Variants in DNAJB4 observed in about 807,000 individuals in gnomAD.
DNAJB4 encodes dnaJ homolog subfamily B member 4.
DNAJB4 carries 10 observed loss-of-function variants against 26.6 expected under a neutral mutation model. That is an observed-to-expected ratio of 0.38 (90% CI 0.23 to 0.64). The LOEUF (loss-of-function observed/expected upper bound fraction) is 0.64. Ranked by LOEUF, DNAJB4 falls within the 30% of genes least tolerant of loss-of-function variation. DNAJB4 has a pLI of 0.58. For synonymous variants in DNAJB4, 136 were observed against 134.8 expected, an observed-to-expected ratio of 1.01 and a Z score of -0.06; for missense variants, 328 against 408.2, an observed-to-expected ratio of 0.80 and a Z score of 1.69.
chr1:77,990,653 G>A (rs1353728160), intron 1 of DNAJB4, among the ~76,000 whole-genome samples: 2 of 152,152 alleles, frequency 1.3e-5, no homozygotes, highest in Non-Finnish European at 1.5e-5. Flanking sequence ...CACTTAAAAA[G>A]TACTCTTCTT....
chr1:77,988,032 T>TCC (rs112719953), intron 1 of DNAJB4, among the ~76,000 whole-genome samples: 3 of 124,310 alleles, frequency 2.4e-5, no homozygotes, highest in Admixed American at 8.3e-5. Flanking sequence ...TGTGTGTATT[T>TCC]CCCCCCCCCC....
rs1452867462 is a variant in DNAJB4, at chr1:78,016,340, A to T, written c.*93A>T. On this transcript the variant is annotated 3_prime_UTR_variant, in exon 3 of 3. Coordinates refer to ENST00000370763, the MANE Select transcript of DNAJB4 (RefSeq NM_007034.5). ...ATGTAGATGTGAATTCTGTATAAAG[A>T]TGTGTAAATTCTTTTGAGGGTTCAT... is the stretch of plus-strand genomic sequence containing the variant. 1.0e-5 allele frequency: 11 copies of T among 1,094,790 alleles called. No homozygotes were observed. In the East Asian group the frequency reaches 2.5e-4, roughly 25 times the overall value. The allele number at this position is 1,094,790 out of a possible 1,614,324, so 67.8% of individuals were successfully genotyped here.
chr1:77,986,304 C>T (rs1233002414), intron 1 of DNAJB4, among the ~76,000 whole-genome samples: 2 of 152,142 alleles, frequency 1.3e-5, no homozygotes, highest in Admixed American at 6.5e-5. Context: ...CTTAACTACT[C>T]GAAATGCAAT....
chr1:77,995,892 G>T (rs991268245), intron 1 of DNAJB4, among the ~76,000 whole-genome samples: 1 of 152,172 alleles, frequency 6.6e-6, no homozygotes, highest in Non-Finnish European at 1.5e-5. Flanking sequence ...GTTACAGTGA[G>T]CCCAGACTGT....
At chr1:77,998,623 T>G (rs1660119921) in intron 1 of DNAJB4, among the ~76,000 whole-genome samples, 1 of 152,138 alleles carries the variant, frequency 6.6e-6, no homozygotes, top group Non-Finnish European at 1.5e-5. Flanking sequence ...GTGGATCGCT[T>G]AAGCCCAGGA....
At chr1:78,000,870 G>A (rs959114450), upstream of DNAJB4, among the ~76,000 whole-genome samples, 3 of 152,148 alleles carry the variant, frequency 2.0e-5, no homozygotes, top group Non-Finnish European at 2.9e-5. Context: ...TGTAATCCCA[G>A]CTATTCGGGA....
chr1:78,012,800 A>G (rs1352230080), intron 1 of DNAJB4, among the ~76,000 whole-genome samples: 1 of 121,986 alleles, frequency 8.2e-6, no homozygotes, highest in Admixed American at 8.7e-5. Context: ...ACAAGAGCGA[A>G]ACTCTGTCTC....
In DNAJB4 at chr1:78,013,079, T is replaced by A; in HGVS notation, c.240T>A (p.Asp80Glu). ...EGLKGGAGGT[D>E]GQGGTFRYTF... ...TGAAAGGAGGAGCAGGAGGTACTGA[T>A]GGACAAGGAGGTACCTTCCGGTACA... The change falls in exon 2 of 3, where the codon GAT becomes GAA. Residue 80 changes from aspartate (D) to glutamate (E), a missense_variant. Coordinates refer to ENST00000370763, the MANE Select transcript of DNAJB4 (RefSeq NM_007034.5). 1 of 1,611,996 alleles carries A rather than the reference T, an allele frequency of 6.2e-7. No homozygotes were observed. The highest frequency in any genetic ancestry group is 8.5e-7 in the Non-Finnish European group (1 of 1,178,858).
intron 1 of DNAJB4, 112 bp downstream of exon 1, chr1:78,005,433 A>C (rs778041738): frequency 2.6e-5 from 24 of 908,436 alleles, no homozygotes; most frequent in Non-Finnish European, 3.9e-5. Context: ...GTTATCCTTA[A>C]ATTGGATTCT....
rs944526819 is a variant in DNAJB4, at chr1:78,008,543, A to G, written c.211+3222A>G. ...TGAAATGTCTGGAAAAGGCCAGTATATAGAAAAAGAAAGCAGATCTTTCTT... is the reference window on the plus strand; with the variant it reads ...TGAAATGTCTGGAAAAGGCCAGTATGTAGAAAAAGAAAGCAGATCTTTCTT... On this transcript the variant is annotated intron_variant, in intron 1 of 2. Transcript: ENST00000370763. Among the ~76,000 whole-genome samples, 13 of 152,330 alleles carry G rather than the reference A, an allele frequency of 8.5e-5. No individual in the cohort carries two copies. The South Asian group carries it at 1.9e-3, about 22-fold the overall frequency.
intron 2 of DNAJB4, among the ~76,000 whole-genome samples, chr1:78,014,592 CTATTAT>C (rs558264500): frequency 9.2e-5 from 14 of 151,858 alleles, no homozygotes; most frequent in East Asian, 3.9e-4. Context: ...CAAGTTTGCT[CTATTAT>C]TATTATTATT....
chr1:78,006,734 T>C (rs1458481149), intron 1 of DNAJB4, among the ~76,000 whole-genome samples: 1 of 152,212 alleles, frequency 6.6e-6, no homozygotes, highest in African/African-American at 2.4e-5. Flanking sequence ...GCATGATACC[T>C]ATGGCCATAT....
In DNAJB4 at chr1:78,005,326, G is replaced by A. The variant is rs372245604; in HGVS notation, c.211+5G>A. The A allele has an allele frequency of 1.7e-5, 27 of 1,604,738 alleles. No homozygotes were observed. Among genetic ancestry groups the A allele is most frequent in the Non-Finnish European group, 2.1e-5 (25 of 1,175,754 alleles). ...ATGATCAGTTTGGGGAGGAAGGTAA[G>A]TATTCTCTGTATATCTTTCTGTCTC... On this transcript the variant is annotated splice_donor_5th_base_variant and intron_variant, in intron 1 of 2. Transcript: ENST00000370763.
intron 1 of DNAJB4, among the ~76,000 whole-genome samples, chr1:78,007,179 A>G (rs1430090967): frequency 1.3e-5 from 2 of 152,048 alleles, no homozygotes; most frequent in Non-Finnish European, 2.9e-5. Context: ...TTTAACTTAC[A>G]TAATTGATAT....
At chr1:77,980,337 A>ATG (rs1234222654) in intron 1 of DNAJB4, 157 of 137,010 alleles carry the variant, frequency 1.1e-3, no homozygotes, top group Middle Eastern at 7.2e-3. Context: ...ATATATATAT[A>ATG]TATGTGTGTG....
chr1:77,991,406 T>C (rs1659928700), intron 1 of DNAJB4, among the ~76,000 whole-genome samples: 1 of 152,186 alleles, frequency 6.6e-6, no homozygotes, highest in African/African-American at 2.4e-5. Context: ...TGAAATGCTT[T>C]CAAGGTCATT....
At chr1:77,987,974 A>ATT (rs1446960701) in intron 1 of DNAJB4, among the ~76,000 whole-genome samples, 4 of 147,766 alleles carry the variant, frequency 2.7e-5, no homozygotes, top group Non-Finnish European at 5.9e-5. Flanking sequence ...ATATGCATAC[A>ATT]TTATATATAT....
intron 2 of DNAJB4, among the ~76,000 whole-genome samples, chr1:78,015,794 C>T (rs542265952): frequency 6.6e-6 from 1 of 151,956 alleles, no homozygotes; most frequent in South Asian, 2.1e-4. Flanking sequence ...GGTGATCTGC[C>T]CGCCTTGGCC....
chr1:77,981,592 A>T lies in DNAJB4; in HGVS notation c.-32+1270A>T, dbSNP rs138136379. On this transcript the variant is annotated intron_variant, in intron 1 of 2. Transcript: ENST00000426517. Reference sequence around the variant, plus strand: ...CTCCCAAAGTGCTGGGATTACAGGCATGAGCCACCGCGCCCAGCCACAATA... The same window carrying T: ...CTCCCAAAGTGCTGGGATTACAGGCTTGAGCCACCGCGCCCAGCCACAATA... 2.7e-3 allele frequency among the ~76,000 whole-genome samples: 409 copies of T among 152,296 alleles called. 3 individuals carry two copies. The highest frequency in any genetic ancestry group is 9.8e-3 in the East Asian group (51 of 5,182).
Sources: allele counts gnomAD v4.1 joint callset (sites outside exome capture counted in the v4.1 genomes callset), GRCh38; gene constraint gnomAD v4.1.1; transcripts MANE v1.5; gene names NCBI Gene and HGNC (gene_info 2026-07-23, HGNC 2026-07-21).